The following PLCL1 variants were observed in gnomAD, a reference collection of about 807,000 sequenced individuals.
The protein encoded by PLCL1 is inactive phospholipase C-like protein 1.
PLCL1 carries 41 observed loss-of-function variants against 84.4 expected under a neutral mutation model. The observed-to-expected ratio is 0.49, with a 90% CI of 0.38 to 0.63. The LOEUF (loss-of-function observed/expected upper bound fraction) is 0.63. Among genes scored for constraint, PLCL1 ranks in the 30% least tolerant of loss-of-function variants. The probability of loss-of-function intolerance (pLI) is 0.00; values close to 1 mark genes in which losing one functional copy is unlikely to be tolerated. For synonymous variants in PLCL1, 490 were observed against 488.3 expected, an observed-to-expected ratio of 1.00 and a Z score of -0.05; for missense variants, 1,206 against 1,367.8, an observed-to-expected ratio of 0.88 and a Z score of 1.87.
At chr2:197,849,848 C>T (rs1274693866) in intron 1 of PLCL1, among the ~76,000 whole-genome samples, 2 of 152,104 alleles carry the variant, frequency 1.3e-5, no homozygotes, top group Admixed American at 6.6e-5. Flanking sequence ...GAGGCAATCT[C>T]TCTGGGGAGA....
At position 197,941,014 on chromosome 2, in the gene PLCL1, T is replaced by TA. The variant is rs1204736607; in HGVS notation, c.240+135684dup. On this transcript the variant is annotated intron_variant, in intron 1 of 5. Coordinates refer to ENST00000428675, the MANE Select transcript of PLCL1 (RefSeq NM_006226.4). Reference sequence around the variant, plus strand: ...ATACTTGCTGATATGCTTTTTAAGTTAAAAAAAAACTAATAAGTAATCATT... The same window carrying TA: ...ATACTTGCTGATATGCTTTTTAAGTTAAAAAAAAAACTAATAAGTAATCATT... Among the ~76,000 whole-genome samples the TA allele has an allele frequency of 1.3e-3, 201 of 151,454 alleles. 2 individuals are homozygous for TA. The highest frequency in any genetic ancestry group is 8.0e-3 in the South Asian group (38 of 4,772).
chr2:197,904,576 G>A (rs530486358), intron 1 of PLCL1, among the ~76,000 whole-genome samples: 14 of 152,094 alleles, frequency 9.2e-5, no homozygotes, highest in Admixed American at 3.9e-4. Flanking sequence ...CTCATTTCAT[G>A]GCCTATTCTT....
At chr2:197,925,737 C>T (rs1239173932) in intron 1 of PLCL1, among the ~76,000 whole-genome samples, 1 of 150,930 alleles carries the variant, frequency 6.6e-6, no homozygotes, top group African/African-American at 2.4e-5. Context: ...ACTAACACTC[C>T]CTCCCTCCCT....
chr2:197,914,070 G>C (rs891855798), intron 1 of PLCL1, among the ~76,000 whole-genome samples: 8 of 152,222 alleles, frequency 5.3e-5, no homozygotes, highest in Admixed American at 3.9e-4. Flanking sequence ...GAGAGTTGAA[G>C]CATTTGTAGT....
At chr2:198,069,425 G>C (rs1020829649) in intron 1 of PLCL1, among the ~76,000 whole-genome samples, 4 of 152,116 alleles carry the variant, frequency 2.6e-5, no homozygotes, top group Admixed American at 2.0e-4. Flanking sequence ...GGATTTCACG[G>C]CTGCAGTAAG....
At chr2:198,020,020 T>A (rs1251049918) in intron 1 of PLCL1, among the ~76,000 whole-genome samples, 1 of 152,146 alleles carries the variant, frequency 6.6e-6, no homozygotes, top group African/African-American at 2.4e-5. Flanking sequence ...GGGAAGCCCA[T>A]CAAACTAACA....
intron 1 of PLCL1, among the ~76,000 whole-genome samples, chr2:197,993,704 G>T (rs1422244469): frequency 6.6e-6 from 1 of 152,148 alleles, no homozygotes; most frequent in Non-Finnish European, 1.5e-5. Context: ...TGCTAACCCA[G>T]CAGGGAGAAA....
At chr2:198,123,099 C>G (rs565140402) in intron 5 of PLCL1, among the ~76,000 whole-genome samples, 1 of 152,034 alleles carries the variant, frequency 6.6e-6, no homozygotes, top group Non-Finnish European at 1.5e-5. Context: ...AATGGTAAAT[C>G]CACACTTCAT....
chr2:198,134,976 A>G (rs1694219937), intron 5 of PLCL1, among the ~76,000 whole-genome samples: 1 of 152,232 alleles, frequency 6.6e-6, no homozygotes, highest in Non-Finnish European at 1.5e-5. Flanking sequence ...ACAATTTAAC[A>G]GTAACTTTTT....
chr2:198,086,610 C>G (rs544319137), intron 2 of PLCL1, among the ~76,000 whole-genome samples: 7 of 152,222 alleles, frequency 4.6e-5, no homozygotes, highest in Admixed American at 4.6e-4. Context: ...AACAACAGAA[C>G]AAGACCCTGT....
chr2:197,982,803 C>T (rs910810923), intron 1 of PLCL1, among the ~76,000 whole-genome samples: 1 of 152,162 alleles, frequency 6.6e-6, no homozygotes, highest in African/African-American at 2.4e-5. Context: ...CCTTGGAGGA[C>T]CTCGCATCCA....
At chr2:198,109,303 G>A (rs564409858) in intron 5 of PLCL1, among the ~76,000 whole-genome samples, 3 of 151,902 alleles carry the variant, frequency 2.0e-5, no homozygotes, top group Non-Finnish European at 2.9e-5. Flanking sequence ...GAAGGTAAAA[G>A]GGCCTAGCTA....
chr2:198,071,042 T>C lies in PLCL1; in HGVS notation c.241-12716T>C, dbSNP rs1159965735. 4.5e-6 allele frequency: 4 copies of C among 881,800 alleles called. No homozygotes were observed. In the African/African-American group the frequency reaches 7.3e-5, roughly 16 times the overall value. The allele number at this position is 881,800 out of a possible 1,614,324, so 54.6% of individuals were successfully genotyped here. A position where few individuals can be genotyped will look rare whatever the true frequency, so the allele number is the denominator to read the frequency against. On this transcript the variant is annotated intron_variant, in intron 1 of 5. Coordinates refer to ENST00000428675, the MANE Select transcript of PLCL1 (RefSeq NM_006226.4). ...GACTTGTCATAGGTAAATGGTAAGC[T>C]CTCAAGCTCTCATATTATACTATAA... is the stretch of plus-strand genomic sequence containing the variant.
chr2:197,823,001 A>G (rs746097885), intron 1 of PLCL1, among the ~76,000 whole-genome samples: 2 of 152,138 alleles, frequency 1.3e-5, no homozygotes, highest in Non-Finnish European at 2.9e-5. Flanking sequence ...AAGCCGTTGT[A>G]CTTTTCTTCA....
intron 1 of PLCL1, among the ~76,000 whole-genome samples, chr2:197,941,753 T>TTC (rs143725762): frequency 5.3e-5 from 8 of 151,634 alleles, no homozygotes; most frequent in Admixed American, 4.6e-4. Flanking sequence ...CCATTCTGCT[T>TTC]TCTCTCTCTC....
At chr2:198,009,939 C>G (rs1238408841) in intron 1 of PLCL1, among the ~76,000 whole-genome samples, 1 of 151,898 alleles carries the variant, frequency 6.6e-6, no homozygotes, top group African/African-American at 2.4e-5. Flanking sequence ...CTTCTTGAGG[C>G]TATTGTTAAC....
At chr2:198,075,003 G>A in intron 1 of PLCL1, among the ~76,000 whole-genome samples, 1 of 152,216 alleles carries the variant, frequency 6.6e-6, no homozygotes, top group Admixed American at 6.5e-5. Flanking sequence ...TGAAAGAGAA[G>A]TATTAGCCAT....
At chr2:197,878,033 G>A (rs1366966465) in intron 1 of PLCL1, among the ~76,000 whole-genome samples, 1 of 152,116 alleles carries the variant, frequency 6.6e-6, no homozygotes, top group African/African-American at 2.4e-5. Flanking sequence ...TAACAAGCCT[G>A]TGAAATATGC....
chr2:198,059,070 C>T (rs935619592), intron 1 of PLCL1, among the ~76,000 whole-genome samples: 1 of 152,118 alleles, frequency 6.6e-6, no homozygotes, highest in African/African-American at 2.4e-5. Flanking sequence ...ATTACTACCC[C>T]CTGAACACTT....
Sources: gnomAD v4.1 joint callset for allele counts (sites outside exome capture counted in the v4.1 genomes callset) on GRCh38, gnomAD v4.1.1 for gene constraint, MANE v1.5 for transcripts, NCBI Gene and HGNC (gene_info 2026-07-23, HGNC 2026-07-21) for gene names.